MTMR12: variants seen among roughly 807,000 people sequenced by gnomAD.
MTMR12 encodes the protein myotubularin-related protein 12.
A neutral mutation model predicts 96.7 loss-of-function variants in MTMR12; 33 were observed. The observed-to-expected ratio is 0.34, with a 90% CI of 0.26 to 0.46. The LOEUF is 0.46. Among genes scored for constraint, MTMR12 ranks in the 20% least tolerant of loss-of-function variants. The probability of loss-of-function intolerance (pLI) is 1.00; values close to 1 mark genes in which losing one functional copy is unlikely to be tolerated. For missense variants in MTMR12, 721 were observed against 896.1 expected (o/e 0.80, Z 2.49); for synonymous variants, 298 against 327.2 (o/e 0.91, Z 0.96).
intron 7 of MTMR12, among the ~76,000 whole-genome samples, chr5:32,260,040 A>G (rs1321589461): frequency 2.0e-5 from 3 of 149,886 alleles, no homozygotes; most frequent in African/African-American, 7.3e-5. Flanking sequence ...AGTCTCCCAA[A>G]AAAAAAAAAA....
intron 15 of MTMR12, among the ~76,000 whole-genome samples, chr5:32,231,726 C>T (rs11959760): frequency 0.33 from 50,249 of 152,008 alleles, 8,660 homozygotes; most frequent in East Asian, 0.5. Context: ...ATTTGACTTT[C>T]CATCCAGGGT....
chr5:32,267,379 A>G (rs1036643419), intron 6 of MTMR12, among the ~76,000 whole-genome samples: 2 of 72,288 alleles, frequency 2.8e-5, no homozygotes, highest in Admixed American at 1.4e-4. Context: ...CCATCTCAGA[A>G]AAAAAAAAAA....
chr5:32,257,056 G>A (rs1749166273), intron 7 of MTMR12, among the ~76,000 whole-genome samples: 1 of 152,220 alleles, frequency 6.6e-6, no homozygotes, highest in Non-Finnish European at 1.5e-5. Context: ...GCTGAGGCAT[G>A]GTGGCACACG....
chr5:32,248,034 G>A lies in MTMR12; in HGVS notation c.989C>T (p.Ala330Val), dbSNP rs1327592620. The change falls in exon 10 of 16, where the codon GCA becomes GTA. Residue 330 changes from alanine to valine, a missense_variant. Coordinates refer to ENST00000382142, the MANE Select transcript of MTMR12 (RefSeq NM_001040446.3). Reference sequence around the variant, plus strand: ...AAATAGCTGTTTAAATTTAGAGTATGCAGTCTGGATTTCCTGCAGGGACAG... The same window carrying A: ...AAATAGCTGTTTAAATTTAGAGTATACAGTCTGGATTTCCTGCAGGGACAG... ...NFLSLQEIQT[A>V]YSKFKQLFLI... 4 of 1,613,872 alleles carry A rather than the reference G, an allele frequency of 2.5e-6. No homozygotes were observed. Among genetic ancestry groups the A allele is most frequent in the Admixed American group, 3.3e-5 (2 of 60,006 alleles).
chr5:32,308,120 G>C (rs761544793), intron 1 of MTMR12, among the ~76,000 whole-genome samples: 3 of 152,052 alleles, frequency 2.0e-5, no homozygotes, highest in East Asian at 1.9e-4. Flanking sequence ...TCAGGAGTTC[G>C]AGACCAGCCT....
chr5:32,268,930 T>A, intron 5 of MTMR12, 136 bp from the exon 6 acceptor site: 1 of 626,172 alleles, frequency 1.6e-6, no homozygotes, highest in Admixed American at 2.6e-5. Context: ...TCATTTGAGA[T>A]CTGTATCTAT....
At chr5:32,308,629 T>C (rs1233558961) in intron 1 of MTMR12, among the ~76,000 whole-genome samples, 2 of 151,016 alleles carry the variant, frequency 1.3e-5, no homozygotes, top group East Asian at 3.9e-4. Flanking sequence ...TGAGATGGAG[T>C]CTCACTCTGT....
At chr5:32,305,864 T>C (rs1219713101) in intron 1 of MTMR12, among the ~76,000 whole-genome samples, 4 of 150,730 alleles carry the variant, frequency 2.7e-5, no homozygotes, top group East Asian at 3.9e-4. Flanking sequence ...GATTGCGCCA[T>C]TGCACTCCAG....
chr5:32,266,392 A>G (rs954613004), intron 6 of MTMR12, among the ~76,000 whole-genome samples: 2 of 152,204 alleles, frequency 1.3e-5, no homozygotes, highest in African/African-American at 4.8e-5. Flanking sequence ...TGTGCTTTTT[A>G]AAAGAAACTG....
chr5:32,303,862 A>C (rs1205307097), intron 1 of MTMR12, among the ~76,000 whole-genome samples: 1 of 151,576 alleles, frequency 6.6e-6, no homozygotes, highest in Non-Finnish European at 1.5e-5. Context: ...AAAAAAAAAA[A>C]AAAAAAAAAC....
At chr5:32,232,836 C>T in intron 15 of MTMR12, 1 of 520,680 alleles carries the variant, frequency 1.9e-6, no homozygotes, top group Non-Finnish European at 2.5e-6. Context: ...CACCCAGGTC[C>T]CCAGTCCTCT....
chr5:32,278,968 C>T (rs563857094), intron 1 of MTMR12, among the ~76,000 whole-genome samples: 191 of 150,708 alleles, frequency 1.3e-3, no homozygotes, highest in Non-Finnish European at 2.0e-3. Flanking sequence ...CCCAGCTACT[C>T]GGGAGGCTGA....
At chr5:32,291,380 T>C (rs1750731901) in intron 1 of MTMR12, among the ~76,000 whole-genome samples, 1 of 152,202 alleles carries the variant, frequency 6.6e-6, no homozygotes, top group African/African-American at 2.4e-5. Flanking sequence ...TCCGATTATA[T>C]ACTGATTCAT....
At chr5:32,263,678 T>A (rs766488752) in intron 6 of MTMR12, among the ~76,000 whole-genome samples, 4 of 152,194 alleles carry the variant, frequency 2.6e-5, no homozygotes, top group Admixed American at 6.5e-5. Flanking sequence ...CCTCAAGTGA[T>A]CCACCTGCCT....
chr5:32,273,247 A>T (rs1173624696), intron 3 of MTMR12, among the ~76,000 whole-genome samples: 1 of 152,188 alleles, frequency 6.6e-6, no homozygotes, highest in Non-Finnish European at 1.5e-5. Flanking sequence ...CAAAAATAAC[A>T]AAATTAGCCA....
intron 8 of MTMR12, among the ~76,000 whole-genome samples, chr5:32,250,228 A>C (rs574947997): frequency 6.6e-6 from 1 of 152,264 alleles, no homozygotes; most frequent in East Asian, 1.9e-4. Flanking sequence ...CTCCATGTGG[A>C]GATATTCAGG....
In MTMR12 at chr5:32,233,735, G is replaced by A. The variant is rs1748097501; in HGVS notation, c.1674+38C>T. Reference sequence around the variant, plus strand: ...TTTTATCATTACATGCACGGGGTCTGGGCAGCTGAAGGGGGTTTAGACATG... The same window carrying A: ...TTTTATCATTACATGCACGGGGTCTAGGCAGCTGAAGGGGGTTTAGACATG... On this transcript the variant is annotated intron_variant, in intron 15 of 15. Coordinates refer to ENST00000382142, the MANE Select transcript of MTMR12 (RefSeq NM_001040446.3). This position sits in a 1 kb window ranked among gnomAD's most constrained non-coding sequence, Gnocchi z 5.0. 1 of 1,613,572 alleles carries A rather than the reference G, an allele frequency of 6.2e-7. No individual in the cohort carries two copies. Among genetic ancestry groups the A allele is most frequent in the Non-Finnish European group, 8.5e-7 (1 of 1,179,646 alleles).
intron 1 of MTMR12, among the ~76,000 whole-genome samples, chr5:32,293,008 C>T (rs1328407158): frequency 6.6e-6 from 1 of 152,080 alleles, no homozygotes; most frequent in Non-Finnish European, 1.5e-5. Context: ...GTATTGTTAA[C>T]TTTATGTAAT....
rs1285860243 is a variant in MTMR12 at position 32,235,082 on chromosome 5, G to A, written c.1392C>T (p.His464=). 2 of 1,613,908 alleles carry A rather than the reference G, an allele frequency of 1.2e-6. No homozygotes were observed. Among genetic ancestry groups the A allele is most frequent in the African/African-American group, 1.3e-5 (1 of 74,902 alleles). ...LFLDCVWQLV[H]QHPPAFEFTE... ...TGAATTCAAATGCCGGGGGATGCTGGTGCACCAGCTGCCAGACACAATCTA... is the reference window on the plus strand; with the variant it reads ...TGAATTCAAATGCCGGGGGATGCTGATGCACCAGCTGCCAGACACAATCTA... Residue 464 remains histidine (H), a synonymous_variant, in exon 14 of 16, where the codon CAC becomes CAT. Transcript: ENST00000382142.
Sources: allele counts gnomAD v4.1 joint callset (sites outside exome capture counted in the v4.1 genomes callset), GRCh38; gene constraint gnomAD v4.1.1; non-coding constraint Gnocchi (gnomAD v3.1); transcripts MANE v1.5; gene names NCBI Gene and HGNC (gene_info 2026-07-23, HGNC 2026-07-21).